Variants in RBFOX1 observed in about 807,000 individuals in gnomAD.
The protein encoded by RBFOX1 is RNA binding fox-1 homolog 1.
In RBFOX1, 8 loss-of-function variants were observed where a neutral mutation model predicts 57.7. That is an observed-to-expected ratio of 0.14 (90% confidence interval 0.08 to 0.25). RBFOX1 has a LOEUF of 0.25. Among genes scored for constraint, RBFOX1 ranks in the 10% least tolerant of loss-of-function variants. The pLI is 1.00. For missense variants in RBFOX1, 611 were observed against 548.5 expected, an observed-to-expected ratio of 1.11 and a Z score of -1.14; for synonymous variants, 326 against 222.4, an observed-to-expected ratio of 1.47 and a Z score of -4.15.
chr16:7,173,345 A>G (rs1003242055), intron 4 of RBFOX1, among the ~76,000 whole-genome samples: 2 of 152,210 alleles, frequency 1.3e-5, no homozygotes, highest in Non-Finnish European at 1.5e-5. Flanking sequence ...CATCCACAAC[A>G]GATGTCCTTC....
chr16:6,908,804 T>C (rs1324624861), intron 3 of RBFOX1, among the ~76,000 whole-genome samples: 3 of 152,266 alleles, frequency 2.0e-5, no homozygotes, highest in Non-Finnish European at 2.9e-5. Flanking sequence ...AGTTACCTCA[T>C]TGATAAATGG....
chr16:5,805,917 G>A (rs2055210221), intron 3 of RBFOX1, among the ~76,000 whole-genome samples: 1 of 152,196 alleles, frequency 6.6e-6, no homozygotes, highest in Admixed American at 6.5e-5. Context: ...AGGACAGAGA[G>A]TGGATCTGGG....
intron 4 of RBFOX1, among the ~76,000 whole-genome samples, chr16:7,510,487 C>CTGTG (rs59583874): frequency 0.056 from 8,357 of 149,586 alleles, 538 homozygotes; most frequent in African/African-American, 0.16. Flanking sequence ...GTATGTGTGT[C>CTGTG]TGTGTGTGTG....
chr16:7,425,182 C>T (rs2098598413), intron 4 of RBFOX1, among the ~76,000 whole-genome samples: 2 of 152,040 alleles, frequency 1.3e-5, no homozygotes, highest in African/African-American at 4.8e-5. Flanking sequence ...TTTTGAAGTG[C>T]ATTTTTGCTG....
rs114689874 is a variant in RBFOX1, at chr16:7,291,091, G to A, written c.28-227056G>A. Among the ~76,000 whole-genome samples the A allele has an allele frequency of 2.9e-3, 449 of 152,300 alleles. 1 individual carries two copies. Among genetic ancestry groups the A allele is most frequent in the African/African-American group, 0.01 (428 of 41,550 alleles). Reference sequence around the variant, plus strand: ...CATATATTTGGAGATGTTTTAACATGCACTGGGCATAAGTGATTATAGCCC... The same window carrying A: ...CATATATTTGGAGATGTTTTAACATACACTGGGCATAAGTGATTATAGCCC... On this transcript the variant is annotated intron_variant, in intron 4 of 15. Coordinates refer to ENST00000550418, the MANE Select transcript of RBFOX1 (RefSeq NM_018723.4).
intron 3 of RBFOX1, among the ~76,000 whole-genome samples, chr16:6,993,851 G>A (rs2091882173): frequency 6.6e-6 from 1 of 152,122 alleles, no homozygotes; most frequent in African/African-American, 2.4e-5. Context: ...TGCTTGTGAA[G>A]CAATACCACC....
intron 5 of RBFOX1, among the ~76,000 whole-genome samples, chr16:7,569,310 T>C (rs945430718): frequency 3.9e-5 from 6 of 152,170 alleles, no homozygotes; most frequent in Non-Finnish European, 5.9e-5. Context: ...GCTGGCAGGA[T>C]GATATTTCTA....
chr16:7,046,736 G>T (rs1007354718), intron 3 of RBFOX1, among the ~76,000 whole-genome samples: 1 of 150,068 alleles, frequency 6.7e-6, no homozygotes, highest in Non-Finnish European at 1.5e-5. Flanking sequence ...CTCCCAAATA[G>T]CTGGGATTAC....
chr16:7,329,353 G>T (rs1007522206), intron 4 of RBFOX1, among the ~76,000 whole-genome samples: 1 of 152,108 alleles, frequency 6.6e-6, no homozygotes, highest in Non-Finnish European at 1.5e-5. Context: ...CACCGTGAGC[G>T]TAATACCACA....
intron 4 of RBFOX1, chr16:7,328,910 T>C (rs545928849): frequency 1.6e-4 from 24 of 152,290 alleles, no homozygotes; most frequent in African/African-American, 5.8e-4. Flanking sequence ...CCATTGCCTG[T>C]TTTTGTATAA....
At chr16:5,810,024 A>G (rs1432428857) in intron 3 of RBFOX1, among the ~76,000 whole-genome samples, 1 of 152,184 alleles carries the variant, frequency 6.6e-6, no homozygotes, top group South Asian at 2.1e-4. Flanking sequence ...TGTCCTTTGT[A>G]GGGACATGGA....
At chr16:6,690,049 C>T (rs1040621187) in intron 3 of RBFOX1, among the ~76,000 whole-genome samples, 10 of 152,080 alleles carry the variant, frequency 6.6e-5, no homozygotes, top group African/African-American at 2.4e-4. Flanking sequence ...TGAAAAGAAT[C>T]CTTGCTTTAT....
intron 1 of RBFOX1, among the ~76,000 whole-genome samples, chr16:6,076,890 C>G (rs1002048458): frequency 6.6e-6 from 1 of 152,114 alleles, no homozygotes; most frequent in African/African-American, 2.4e-5. Context: ...AAAGCTCTGG[C>G]TCAAGGTGGG....
chr16:6,735,921 C>T (rs12446254), intron 3 of RBFOX1, among the ~76,000 whole-genome samples: 151,868 of 151,874 alleles, frequency 1, 75,931 homozygotes, highest in Middle Eastern at 1. Flanking sequence ...GTTTTTGTCG[C>T]CATTTTTTTT....
At chr16:6,680,826 GCTT>G (rs1568187341) in intron 3 of RBFOX1, among the ~76,000 whole-genome samples, 1 of 152,268 alleles carries the variant, frequency 6.6e-6, no homozygotes, top group East Asian at 1.9e-4. Flanking sequence ...AATATTAAAA[GCTT>G]CTTGGTTAAA....
At chr16:6,532,558 A>G (rs1317238179) in intron 2 of RBFOX1, among the ~76,000 whole-genome samples, 2 of 152,070 alleles carry the variant, frequency 1.3e-5, no homozygotes, top group East Asian at 1.9e-4. Context: ...CATCTCCCTC[A>G]TGCTGCCATC....
chr16:6,987,956 G>T (rs1287783924), intron 3 of RBFOX1, among the ~76,000 whole-genome samples: 1 of 151,908 alleles, frequency 6.6e-6, no homozygotes, highest in Non-Finnish European at 1.5e-5. Context: ...TTTACTAAGT[G>T]CCAGCTAGGC....
At chr16:6,217,388 C>G (rs1001035554) in intron 1 of RBFOX1, among the ~76,000 whole-genome samples, 1 of 151,638 alleles carries the variant, frequency 6.6e-6, no homozygotes, top group Non-Finnish European at 1.5e-5. Flanking sequence ...ATGTCTCCTA[C>G]AGTCTCAGTG....
At chr16:7,660,484 G>T (rs1205329828) in intron 12 of RBFOX1, among the ~76,000 whole-genome samples, 2 of 152,310 alleles carry the variant, frequency 1.3e-5, no homozygotes, top group Admixed American at 1.3e-4. Context: ...TTTAAGTGCA[G>T]CTGTTTGATG....
Sources: allele counts gnomAD v4.1 joint callset (sites outside exome capture counted in the v4.1 genomes callset), GRCh38; gene constraint gnomAD v4.1.1; transcripts MANE v1.5; gene names NCBI Gene and HGNC (gene_info 2026-07-23, HGNC 2026-07-21).